The following DNAH12 variants were observed in gnomAD, a reference collection of about 807,000 sequenced individuals.
DNAH12 encodes the protein axonemal beta dynein heavy chain 12.
Under a neutral mutation model 371.5 loss-of-function variants are expected in DNAH12, and 285 were observed. That is an observed-to-expected ratio of 0.77 (90% CI 0.70 to 0.85). The LOEUF (loss-of-function observed/expected upper bound fraction) is 0.85. Among genes scored for constraint, DNAH12 ranks in the 40% least tolerant of loss-of-function variants. DNAH12 has a pLI of 0.00. For synonymous variants in DNAH12, 1,200 were observed against 1,213.0 expected (o/e 0.99, Z 0.22); for missense variants, 3,611 against 3,689.4 (o/e 0.98, Z 0.55).
intron 4 of DNAH12, among the ~76,000 whole-genome samples, chr3:57,514,467 G>T (rs1018581932): frequency 1.1e-4 from 16 of 151,710 alleles, no homozygotes; most frequent in Non-Finnish European, 2.1e-4. Context: ...GACGCATTTT[G>T]TGTAAGAAAA....
chr3:57,424,790 CAAA>C (rs66686551), intron 35 of DNAH12, among the ~76,000 whole-genome samples: 84 of 125,038 alleles, frequency 6.7e-4, no homozygotes, highest in Non-Finnish European at 7.8e-4. Flanking sequence ...GCCCTGTCTC[CAAA>C]AAAAAAAAAA....
chr3:57,421,151 T>C (rs1457258959), intron 36 of DNAH12, among the ~76,000 whole-genome samples: 1 of 152,116 alleles, frequency 6.6e-6, no homozygotes, highest in Non-Finnish European at 1.5e-5. Flanking sequence ...TTAGGTTTAC[T>C]TCCTTATCAT....
chr3:57,550,375 T>C, the DNAH12 span, among the ~76,000 whole-genome samples: 3 of 152,162 alleles, frequency 2.0e-5, no homozygotes, highest in African/African-American at 7.2e-5. Context: ...TAAAACCTTA[T>C]AAACAAATAG....
chr3:57,395,451 T>C (rs1181884907), intron 43 of DNAH12, among the ~76,000 whole-genome samples: 1 of 152,190 alleles, frequency 6.6e-6, no homozygotes, highest in Admixed American at 6.5e-5. Context: ...TTAACTAATA[T>C]TTTCACTCCA....
At chr3:57,427,846 C>T (rs2064828970) in intron 34 of DNAH12, among the ~76,000 whole-genome samples, 1 of 152,108 alleles carries the variant, frequency 6.6e-6, no homozygotes, top group African/African-American at 2.4e-5. Flanking sequence ...AAGTATAGCC[C>T]TCTACAAACA....
At chr3:57,528,954 C>T (rs1199241639) in intron 2 of DNAH12, among the ~76,000 whole-genome samples, 4 of 151,690 alleles carry the variant, frequency 2.6e-5, no homozygotes, top group South Asian at 2.1e-4. Flanking sequence ...GTTCCCACCA[C>T]CATACCAGCT....
At chr3:57,465,388 G>C (rs933891341) in intron 17 of DNAH12, among the ~76,000 whole-genome samples, 3 of 152,036 alleles carry the variant, frequency 2.0e-5, no homozygotes, top group Non-Finnish European at 4.4e-5. Flanking sequence ...TTCAGAAATA[G>C]AGAAAATAAA....
rs2068805427 is a variant in DNAH12, at chr3:57,530,566, T to A, written c.171-6682A>T. On this transcript the variant is annotated intron_variant, in intron 2 of 73. Transcript: ENST00000495027. ...TTTTTAGATTGTTTTTTGTTTAAAA[T>A]CTCTTCCTCCTCAGGAGTCAGCTTG... The A allele has an allele frequency of 1.2e-5, 8 of 676,152 alleles. 1 individual carries two copies. Among genetic ancestry groups the A allele is most frequent in the South Asian group, 1.1e-4 (7 of 62,914 alleles). The allele number at this position is 676,152 out of a possible 1,614,324, so 41.9% of individuals were successfully genotyped here.
chr3:57,443,667 C>T (rs922198306), intron 29 of DNAH12, among the ~76,000 whole-genome samples: 9 of 151,484 alleles, frequency 5.9e-5, no homozygotes, highest in African/African-American at 2.2e-4. Context: ...CATCACTACC[C>T]GTAGTTACCG....
chr3:57,553,014 TA>T, the DNAH12 span, among the ~76,000 whole-genome samples: 4 of 151,804 alleles, frequency 2.6e-5, no homozygotes, highest in Admixed American at 6.6e-5. Context: ...CTGTCTCTAC[TA>T]AAAATACAAC....
intron 2 of DNAH12, among the ~76,000 whole-genome samples, chr3:57,532,439 T>C (rs554277517): frequency 4.6e-5 from 7 of 152,258 alleles, no homozygotes; most frequent in South Asian, 2.1e-4. Flanking sequence ...TAAGTACTTA[T>C]TGCAGTCTTC....
At position 57,301,910 on chromosome 3, in the gene DNAH12, C is replaced by T. The variant is rs113518450; in HGVS notation, c.11219G>A (p.Arg3740Gln). Residue 3740 changes from arginine (R) to glutamine (Q), a missense_variant, in exon 70 of 74, where the codon CGG (arginine) becomes CAG (glutamine). This residue lies in a region of DNAH12 where 2,266 missense variants were observed against 2,236.9 expected (regional missense o/e 1.01). Coordinates refer to ENST00000495027, the MANE Select transcript of DNAH12 (RefSeq NM_001366028.2). ...NLIITIRNTLRDLEKAIKGVV... is the reference protein window; with the variant it reads ...NLIITIRNTLQDLEKAIKGVV... ...ACCCTTAATAGCTTTTTCAAGGTCC[C>T]GTAGAGTGTTACGTATAGTTATAAT... 69 of 1,551,408 alleles carry T rather than the reference C, an allele frequency of 4.4e-5. No individual in the cohort carries two copies. The highest frequency in any genetic ancestry group is 2.0e-4 in the Admixed American group (10 of 50,974).
rs746264010 is a variant in DNAH12 at position 57,301,923 on chromosome 3, G to C, written c.11206C>G (p.Arg3736Gly). Residue 3736 changes from arginine (R) to glycine (G), a missense_variant, in exon 70 of 74, where the codon CGT (arginine) becomes GGT (glycine). Transcript: ENST00000495027. ...ERFNNLIITI[R>G]NTLRDLEKAI... ...TTTTCAAGGTCCCGTAGAGTGTTAC[G>C]TATAGTTATAATTAAACTGCAATGA... 5.2e-6 allele frequency: 8 copies of C among 1,551,408 alleles called. No individual in the cohort carries two copies. In the South Asian group the frequency reaches 9.5e-5, roughly 18 times the overall value.
At chr3:57,421,962 A>G (rs1287613564) in intron 35 of DNAH12, among the ~76,000 whole-genome samples, 1 of 135,556 alleles carries the variant, frequency 7.4e-6, no homozygotes, top group Non-Finnish European at 1.5e-5. Context: ...GCTGGAGTAC[A>G]GTGGCACCAT....
intron 13 of DNAH12, among the ~76,000 whole-genome samples, chr3:57,473,270 T>C (rs1449804507): frequency 6.6e-6 from 1 of 152,064 alleles, no homozygotes; most frequent in African/African-American, 2.4e-5. Context: ...GTGGATCACC[T>C]GAGGTCAGGA....
intron 1 of DNAH12, among the ~76,000 whole-genome samples, 195 bp from the exon 2 acceptor site, chr3:57,543,098 T>A (rs1338333608): frequency 6.6e-6 from 1 of 152,166 alleles, no homozygotes; most frequent in Admixed American, 6.5e-5. Context: ...AACTCACTTA[T>A]GAAGCAATGA....
the DNAH12 span, among the ~76,000 whole-genome samples, chr3:57,553,367 A>G: frequency 6.6e-6 from 1 of 152,186 alleles, no homozygotes; most frequent in Non-Finnish European, 1.5e-5. Flanking sequence ...TATGAAGGGC[A>G]GAGCCCATCT....
At chr3:57,343,319 C>T (rs1285862906) in intron 60 of DNAH12, among the ~76,000 whole-genome samples, 3 of 152,174 alleles carry the variant, frequency 2.0e-5, no homozygotes, top group Non-Finnish European at 4.4e-5. Flanking sequence ...TAGCTTTGCC[C>T]CAGCCACTTT....
intron 62 of DNAH12, among the ~76,000 whole-genome samples, chr3:57,325,347 C>T (rs1478752875): frequency 6.6e-6 from 1 of 152,220 alleles, no homozygotes; most frequent in African/African-American, 2.4e-5. Flanking sequence ...TGACACCTCA[C>T]ACGGCTGGGT....
Sources: gnomAD v4.1 joint callset for allele counts (sites outside exome capture counted in the v4.1 genomes callset) on GRCh38, gnomAD v4.1.1 for gene constraint, gnomAD v4.1.1 regional missense constraint, MANE v1.5 for transcripts, NCBI Gene and HGNC (gene_info 2026-07-23, HGNC 2026-07-21) for gene names.